The following MEGF11 variants were observed in gnomAD, a reference collection of about 807,000 sequenced individuals.
MEGF11 encodes multiple epidermal growth factor-like domains protein 11.
A neutral mutation model predicts 146.6 loss-of-function variants in MEGF11; 126 were observed. The observed-to-expected ratio is 0.86, with a 90% CI of 0.74 to 1.00. MEGF11 has a LOEUF of 1.00. Among genes scored for constraint, MEGF11 ranks in the 50% least tolerant of loss-of-function variants. The pLI, the probability that MEGF11 is intolerant of heterozygous loss-of-function variation, is 0.00. For missense variants in MEGF11, 1,509 were observed against 1,521.2 expected (o/e 0.99, Z 0.13); for synonymous variants, 532 against 583.4 (o/e 0.91, Z 1.27).
chr15:66,119,943 A>G (rs931896418), intron 3 of MEGF11, among the ~76,000 whole-genome samples: 1 of 152,150 alleles, frequency 6.6e-6, no homozygotes. Flanking sequence ...GGCAGGCACC[A>G]TTACTATCCC....
intron 25 of MEGF11, 47 bp downstream of exon 25, chr15:65,898,681 T>A: frequency 6.2e-7 from 1 of 1,606,502 alleles, no homozygotes; most frequent in East Asian, 2.2e-5. Flanking sequence ...CTTCAAATGC[T>A]GCACTATTGC....
intron 4 of MEGF11, among the ~76,000 whole-genome samples, chr15:66,108,847 G>T (rs774774616): frequency 6.6e-6 from 1 of 152,214 alleles, no homozygotes; most frequent in Non-Finnish European, 1.5e-5. Context: ...AGAAACTGGC[G>T]CTTAGACTGG....
chr15:66,000,647 A>G (rs2082340018), intron 5 of MEGF11, among the ~76,000 whole-genome samples: 1 of 152,200 alleles, frequency 6.6e-6, no homozygotes, highest in Non-Finnish European at 1.5e-5. Flanking sequence ...GTTGATATTA[A>G]TATTTGTTGA....
At chr15:66,234,144 C>G (rs1232415399) in intron 1 of MEGF11, among the ~76,000 whole-genome samples, 1 of 152,010 alleles carries the variant, frequency 6.6e-6, no homozygotes, top group Non-Finnish European at 1.5e-5. Context: ...AGTGATCCAT[C>G]CACCTTGGCC....
At chr15:65,969,813 G>A (rs146766246) in intron 8 of MEGF11, among the ~76,000 whole-genome samples, 258 of 152,202 alleles carry the variant, frequency 1.7e-3, no homozygotes, top group East Asian at 5.2e-3. Context: ...GCCTCTGTAC[G>A]GCCCTTCTCT....
At chr15:66,050,230 C>T (rs972825296) in intron 5 of MEGF11, among the ~76,000 whole-genome samples, 9 of 152,106 alleles carry the variant, frequency 5.9e-5, no homozygotes, top group Non-Finnish European at 2.9e-5. Flanking sequence ...TGACTAGAGC[C>T]CCTACATTCT....
intron 1 of MEGF11, among the ~76,000 whole-genome samples, chr15:66,227,401 A>C (rs1303225766): frequency 6.6e-6 from 1 of 152,236 alleles, no homozygotes; most frequent in Non-Finnish European, 1.5e-5. Flanking sequence ...TATTAATAGT[A>C]ATAAATCCCA....
intron 17 of MEGF11, 116 bp downstream of exon 17, chr15:65,916,712 C>G: frequency 6.6e-7 from 1 of 1,519,958 alleles, no homozygotes; most frequent in South Asian, 1.2e-5. Context: ...CAGGTACCAC[C>G]AGTCCTGGGG....
At chr15:66,016,418 G>A (rs1371568156) in intron 5 of MEGF11, among the ~76,000 whole-genome samples, 1 of 149,410 alleles carries the variant, frequency 6.7e-6, no homozygotes. Context: ...TCTAACGACC[G>A]CAAAACAATT....
intron 5 of MEGF11, among the ~76,000 whole-genome samples, chr15:66,037,706 G>T (rs866425387): frequency 6.6e-6 from 1 of 152,200 alleles, no homozygotes; most frequent in African/African-American, 2.4e-5. Flanking sequence ...GGCAGCCCTC[G>T]GCAGGCAGGA....
At chr15:66,217,701 T>C (rs2091621878) in intron 1 of MEGF11, among the ~76,000 whole-genome samples, 1 of 152,240 alleles carries the variant, frequency 6.6e-6, no homozygotes, top group Admixed American at 6.5e-5. Context: ...CCTTGTTTCA[T>C]CTAATCCTTC....
Position 65,896,293 on chromosome 15 carries a change from T to G in MEGF11, c.*1641A>C, listed in dbSNP as rs1308059929. The G allele has an allele frequency of 6.5e-6, 1 of 152,688 alleles. No individual in the cohort carries two copies. Among genetic ancestry groups the G allele is most frequent in the African/African-American group, 2.4e-5 (1 of 41,464 alleles). The allele number at this position is 152,688 out of a possible 1,614,324, so 9.5% of individuals were successfully genotyped here. Reference sequence around the variant, plus strand: ...CATGTAAGTATTACATATTTTCCTCTAACAGTAAAATCTGCTTATGCCTTG... The same window carrying G: ...CATGTAAGTATTACATATTTTCCTCGAACAGTAAAATCTGCTTATGCCTTG... On this transcript the variant is annotated 3_prime_UTR_variant, in exon 26 of 26. Transcript: ENST00000395614.
intron 1 of MEGF11, among the ~76,000 whole-genome samples, chr15:66,236,229 G>C (rs1424291930): frequency 6.6e-6 from 1 of 152,160 alleles, no homozygotes; most frequent in East Asian, 1.9e-4. Flanking sequence ...GAAGCGGCTT[G>C]GTGCTACCCA....
At chr15:65,979,311 GT>G (rs2081554502) in intron 7 of MEGF11, among the ~76,000 whole-genome samples, 1 of 152,164 alleles carries the variant, frequency 6.6e-6, no homozygotes, top group South Asian at 2.1e-4. Context: ...GTGCAGTCAG[GT>G]TTGGATACTG....
chr15:65,907,299 T>C (rs2078658887), intron 23 of MEGF11, among the ~76,000 whole-genome samples: 1 of 147,628 alleles, frequency 6.8e-6, no homozygotes, highest in Non-Finnish European at 1.5e-5. Flanking sequence ...ATTTTTCTTT[T>C]TTTCTTTTTT....
chr15:66,188,161 C>T (rs1450764934), intron 1 of MEGF11, among the ~76,000 whole-genome samples: 1 of 152,022 alleles, frequency 6.6e-6, no homozygotes, highest in Non-Finnish European at 1.5e-5. Flanking sequence ...TTTGAAACAA[C>T]ACAATTGTCC....
chr15:66,226,541 C>T (rs1453035252), intron 1 of MEGF11, among the ~76,000 whole-genome samples: 1 of 152,180 alleles, frequency 6.6e-6, no homozygotes, highest in South Asian at 2.1e-4. Flanking sequence ...AGCCACTGCA[C>T]CCAGCCCCTT....
At chr15:66,021,826 C>T (rs2083145662) in intron 5 of MEGF11, among the ~76,000 whole-genome samples, 1 of 152,234 alleles carries the variant, frequency 6.6e-6, no homozygotes, top group African/African-American at 2.4e-5. Context: ...GGGATTTCCT[C>T]CTGCTCTCTG....
intron 5 of MEGF11, among the ~76,000 whole-genome samples, chr15:66,074,846 T>A (rs1439511646): frequency 6.6e-6 from 1 of 152,186 alleles, no homozygotes; most frequent in Non-Finnish European, 1.5e-5. Context: ...TTTTCCTCAA[T>A]CTGTTGGGGG....
Sources: allele counts gnomAD v4.1 joint callset (sites outside exome capture counted in the v4.1 genomes callset), GRCh38; gene constraint gnomAD v4.1.1; transcripts MANE v1.5; gene names NCBI Gene and HGNC (gene_info 2026-07-23, HGNC 2026-07-21).